Variants in SLCO3A1 observed in about 807,000 individuals in gnomAD.
The protein encoded by SLCO3A1 is PGE1 transporter.
A neutral mutation model predicts 63.1 loss-of-function variants in SLCO3A1; 27 were observed. That is an observed-to-expected ratio of 0.43 (90% CI 0.32 to 0.59). The LOEUF (loss-of-function observed/expected upper bound fraction) is 0.59, where lower values mean the gene tolerates loss of function less well. SLCO3A1 is among the 20% of genes least tolerant of loss of function. The pLI is 0.09. For missense variants in SLCO3A1, 773 were observed against 945.8 expected, an observed-to-expected ratio of 0.82 and a Z score of 2.40; for synonymous variants, 473 against 409.9, an observed-to-expected ratio of 1.15 and a Z score of -1.86.
chr15:92,162,893 A>G lies in SLCO3A1; in HGVS notation c.1891A>G (p.Ile631Val), dbSNP rs531529146. ...CCGATACCTGTATGTCAGCATCGCC[A>G]TCGCGCTCAAATCCTTCGCCTTCAT... is the stretch of plus-strand genomic sequence containing the variant. ...VYRYLYVSIAIALKSFAFILY... is the reference protein window; with the variant it reads ...VYRYLYVSIAVALKSFAFILY... The change falls in exon 10 of 10, where the codon ATC (isoleucine) becomes GTC (valine). Residue 631 changes from isoleucine (I) to valine (V), a missense_variant. Ile to Val is a conservative substitution (Grantham distance 29). Around this residue, in one of 3 missense-constraint regions of SLCO3A1, gnomAD observed 139 missense variants for 131.4 expected, o/e 1.06. Transcript: ENST00000318445. 6 of 1,614,218 alleles carry G rather than the reference A, an allele frequency of 3.7e-6. No homozygotes were observed. The South Asian group carries it at 4.4e-5, about 12-fold the overall frequency.
Position 91,894,132 on chromosome 15 carries a change from C to T in SLCO3A1, c.181-21861C>T, listed in dbSNP as rs905862980. ...AGGCAGATGCAGTAGCACATTGTCT[C>T]AAGTTGAGGATGGGTTTGATCTGTT... On this transcript the variant is annotated intron_variant, in intron 1 of 9. Coordinates refer to ENST00000318445, the MANE Select transcript of SLCO3A1 (RefSeq NM_013272.4). The surrounding 1 kb of genome is among the most constrained non-coding windows in gnomAD (Gnocchi z 4.8). 1.3e-5 allele frequency among the ~76,000 whole-genome samples: 2 copies of T among 151,900 alleles called. No individual in the cohort carries two copies. The highest frequency in any genetic ancestry group is 2.4e-5 in the African/African-American group (1 of 41,322).
At chr15:92,106,792 A>G (rs1258599911) in intron 4 of SLCO3A1, among the ~76,000 whole-genome samples, 2 of 152,190 alleles carry the variant, frequency 1.3e-5, no homozygotes, top group Non-Finnish European at 2.9e-5. Context: ...AAATGCAGCA[A>G]AGAGGCAGAG....
intron 2 of SLCO3A1, among the ~76,000 whole-genome samples, chr15:92,026,188 T>G (rs2046571972): frequency 6.6e-6 from 1 of 152,036 alleles, no homozygotes; most frequent in Non-Finnish European, 1.5e-5. Flanking sequence ...TTAACTGTCG[T>G]TAGGAAAGGC....
In SLCO3A1 at chr15:92,076,617, G is replaced by A. The variant is rs536594900; in HGVS notation, c.647-18264G>A. 2.0e-5 allele frequency among the ~76,000 whole-genome samples: 3 copies of A among 152,270 alleles called. No individual in the cohort carries two copies. In the South Asian group the frequency reaches 6.2e-4, roughly 32 times the overall value. ...GCCCCCAGAGCCTGATTCTCATTCTGCTGAGCCTCACTCTGGTGCTCACGG... is the reference window on the plus strand; with the variant it reads ...GCCCCCAGAGCCTGATTCTCATTCTACTGAGCCTCACTCTGGTGCTCACGG... On this transcript the variant is annotated intron_variant, in intron 2 of 9. Coordinates refer to ENST00000318445, the MANE Select transcript of SLCO3A1 (RefSeq NM_013272.4).
At chr15:91,989,902 G>A (rs1042855575) in intron 2 of SLCO3A1, among the ~76,000 whole-genome samples, 1 of 152,184 alleles carries the variant, frequency 6.6e-6, no homozygotes, top group Non-Finnish European at 1.5e-5. Flanking sequence ...TATTTGCCAA[G>A]AGAGTAGAAA....
intron 2 of SLCO3A1, among the ~76,000 whole-genome samples, chr15:91,992,379 G>A (rs796091607): frequency 1.5e-4 from 23 of 152,292 alleles, no homozygotes; most frequent in African/African-American, 5.3e-4. Flanking sequence ...CAGCGTTCTA[G>A]AGTTATTATC....
rs1898127767 is a variant in SLCO3A1, at chr15:91,900,550, A to G, written c.181-15443A>G. Reference sequence around the variant, plus strand: ...CACCATGTTGGCCAGGCTTGTCTCAAACTGCTGACCTCAGGTGATCCGCCC... The same window carrying G: ...CACCATGTTGGCCAGGCTTGTCTCAGACTGCTGACCTCAGGTGATCCGCCC... On this transcript the variant is annotated intron_variant, in intron 1 of 9. Transcript: ENST00000318445. This position sits in a 1 kb window ranked among gnomAD's most constrained non-coding sequence, Gnocchi z 4.3. 1.3e-5 allele frequency among the ~76,000 whole-genome samples: 2 copies of G among 152,144 alleles called. No individual in the cohort carries two copies. Among genetic ancestry groups the G allele is most frequent in the African/African-American group, 4.8e-5 (2 of 41,410 alleles).
chr15:91,914,868 G>C (rs1308654374), intron 1 of SLCO3A1, among the ~76,000 whole-genome samples: 1 of 152,140 alleles, frequency 6.6e-6, no homozygotes, highest in South Asian at 2.1e-4. Context: ...CACTGCTCCC[G>C]GCCCCAGCTA....
intron 2 of SLCO3A1, among the ~76,000 whole-genome samples, chr15:92,036,573 C>T (rs1208763828): frequency 6.6e-6 from 1 of 152,068 alleles, no homozygotes; most frequent in Non-Finnish European, 1.5e-5. Context: ...CCTTCAAAGC[C>T]ACAGTATTTT....
At chr15:92,039,126 C>T (rs1383783129) in intron 2 of SLCO3A1, among the ~76,000 whole-genome samples, 1 of 152,102 alleles carries the variant, frequency 6.6e-6, no homozygotes, top group Non-Finnish European at 1.5e-5. Flanking sequence ...CCGGAAAAAC[C>T]CTAGAAGAAA....
intron 4 of SLCO3A1, among the ~76,000 whole-genome samples, chr15:92,119,869 G>A (rs2047841502): frequency 6.6e-6 from 1 of 152,200 alleles, no homozygotes; most frequent in South Asian, 2.1e-4. Context: ...CCAAGTGAGA[G>A]CTGATGGAAA....
At chr15:92,082,105 G>A (rs1026394559) in intron 2 of SLCO3A1, among the ~76,000 whole-genome samples, 30 of 152,162 alleles carry the variant, frequency 2.0e-4, no homozygotes, top group African/African-American at 6.0e-4. Context: ...CCTCCTCACC[G>A]TCTCCTTCCC....
At chr15:91,880,494 G>A (rs1897553540) in intron 1 of SLCO3A1, among the ~76,000 whole-genome samples, 1 of 151,314 alleles carries the variant, frequency 6.6e-6, no homozygotes, top group African/African-American at 2.4e-5. Flanking sequence ...TATAGAATCT[G>A]CTGTACATTT....
chr15:91,885,481 A>T lies in SLCO3A1; in HGVS notation c.181-30512A>T. Among the ~76,000 whole-genome samples the T allele has an allele frequency of 6.6e-6, 1 of 152,330 alleles. No homozygotes were observed. The highest frequency in any genetic ancestry group is 6.5e-5 in the Admixed American group (1 of 15,310). On this transcript the variant is annotated intron_variant, in intron 1 of 9. Coordinates refer to ENST00000318445, the MANE Select transcript of SLCO3A1 (RefSeq NM_013272.4). This position sits in a 1 kb window ranked among gnomAD's most constrained non-coding sequence, Gnocchi z 4.7. ...TTTGTTCCAGCAGCCAAACTCCAGC[A>T]TGTCACAAATCATACATTACAGGAA...
chr15:92,168,809 G>A (rs951051268), downstream of SLCO3A1, among the ~76,000 whole-genome samples: 1 of 152,182 alleles, frequency 6.6e-6, no homozygotes, highest in African/African-American at 2.4e-5. Context: ...TTTTTCTCTT[G>A]TGTGACGTGG....
At chr15:91,972,898 A>G (rs552410816) in intron 2 of SLCO3A1, among the ~76,000 whole-genome samples, 3 of 152,318 alleles carry the variant, frequency 2.0e-5, no homozygotes, top group South Asian at 2.1e-4. Flanking sequence ...AGGCAGGCGG[A>G]TCACCTGAGG....
intron 2 of SLCO3A1, among the ~76,000 whole-genome samples, chr15:92,079,315 C>G (rs1299931577): frequency 3.3e-5 from 5 of 152,190 alleles, no homozygotes; most frequent in Non-Finnish European, 7.3e-5. Context: ...CTGTGTTAGT[C>G]TCCTGGGGCT....
intron 2 of SLCO3A1, among the ~76,000 whole-genome samples, chr15:91,985,632 G>A (rs751486922): frequency 1.3e-5 from 2 of 152,200 alleles, no homozygotes; most frequent in Non-Finnish European, 2.9e-5. Context: ...AGCTTTAGCT[G>A]TTCTGGTGGA....
chr15:91,964,740 ATAGT>A (rs1050505653), intron 2 of SLCO3A1, among the ~76,000 whole-genome samples: 1 of 149,928 alleles, frequency 6.7e-6, no homozygotes, highest in African/African-American at 2.5e-5. Context: ...TTAAAATTAG[ATAGT>A]TTTTTTTTTT....
Sources: gnomAD v4.1 joint callset for allele counts (sites outside exome capture counted in the v4.1 genomes callset) on GRCh38, gnomAD v4.1.1 for gene constraint, gnomAD v4.1.1 regional missense constraint, Gnocchi (gnomAD v3.1) non-coding constraint, MANE v1.5 for transcripts, NCBI Gene and HGNC (gene_info 2026-07-23, HGNC 2026-07-21) for gene names.